Variants in NRXN1 observed in about 807,000 individuals in gnomAD.
NRXN1 encodes neurexin 1.
A neutral mutation model predicts 150.9 loss-of-function variants in NRXN1; 39 were observed. The ratio of observed to expected loss-of-function variants is 0.26; its 90% CI spans 0.20 to 0.34. The LOEUF (loss-of-function observed/expected upper bound fraction) is 0.34, where lower values mean the gene tolerates loss of function less well. NRXN1 is among the 10% of genes least tolerant of loss of function. The pLI, the probability that NRXN1 is intolerant of heterozygous loss-of-function variation, is 1.00. For missense variants in NRXN1, 1,815 were observed against 1,949.9 expected (o/e 0.93, Z 1.30); for synonymous variants, 924 against 757.0 (o/e 1.22, Z -3.62).
chr2:50,081,465 T>C (rs527611827), intron 19 of NRXN1, among the ~76,000 whole-genome samples: 5 of 152,236 alleles, frequency 3.3e-5, no homozygotes, highest in Non-Finnish European at 7.4e-5. Flanking sequence ...GGCATGAGAA[T>C]TGTTTGAACC....
chr2:50,231,107 A>G (rs949124485), intron 18 of NRXN1, among the ~76,000 whole-genome samples: 8 of 152,124 alleles, frequency 5.3e-5, no homozygotes, highest in African/African-American at 1.9e-4. Flanking sequence ...ACCAAGCAAT[A>G]TATATACAAC....
intron 17 of NRXN1, among the ~76,000 whole-genome samples, chr2:50,418,571 A>G (rs568715356): frequency 3.3e-5 from 5 of 152,210 alleles, no homozygotes; most frequent in African/African-American, 7.2e-5. Context: ...GATTAGCTCA[A>G]TCATCATTCA....
intron 17 of NRXN1, among the ~76,000 whole-genome samples, chr2:50,324,225 G>C (rs1315984311): frequency 6.6e-6 from 1 of 152,192 alleles, no homozygotes; most frequent in Non-Finnish European, 1.5e-5. Context: ...ACCTAAACCA[G>C]GTGGTAGCAT....
At position 50,966,550 on chromosome 2, in the gene NRXN1, G is replaced by GCATT. The variant is rs372281638; in HGVS notation, c.773-40599_773-40596dup. Among the ~76,000 whole-genome samples the GCATT allele has an allele frequency of 5.2e-3, 796 of 151,672 alleles. 8 individuals carry two copies. The highest frequency in any genetic ancestry group is 0.018 in the African/African-American group (759 of 41,442). On this transcript the variant is annotated intron_variant, in intron 2 of 22. Transcript: ENST00000401669. The stretch of plus-strand genomic sequence containing the variant: ...CTCTTCAGGTTAGATGCTTTAATGG[G>GCATT]CATTACATTAGAAAGGCATTCTACA...
intron 17 of NRXN1, among the ~76,000 whole-genome samples, chr2:50,356,587 G>T (rs1214570041): frequency 1.3e-5 from 2 of 152,102 alleles, no homozygotes; most frequent in African/African-American, 4.8e-5. Context: ...ATCTTGACAG[G>T]TGTTAGTAGA....
chr2:50,041,341 T>G (rs972876952), intron 21 of NRXN1, among the ~76,000 whole-genome samples: 2 of 152,214 alleles, frequency 1.3e-5, no homozygotes, highest in African/African-American at 4.8e-5. Context: ...GCAATGAGTG[T>G]CTTTTAAAAA....
rs576338536 is a variant in NRXN1 at position 50,437,893 on chromosome 2, T to C, written c.3364+27549A>G. On this transcript the variant is annotated intron_variant, in intron 17 of 22. Coordinates refer to ENST00000401669, the MANE Select transcript of NRXN1 (RefSeq NM_001330078.2). ...AATTCATTTGTGAATGTCCATTCTA[T>C]AACAATCATCAAAACACAATTTCTT... 6.6e-5 allele frequency among the ~76,000 whole-genome samples: 10 copies of C among 152,316 alleles called. No individual in the cohort carries two copies. The South Asian group carries it at 1.0e-3, about 16-fold the overall frequency.
At chr2:49,978,932 A>T (rs576348107) in intron 21 of NRXN1, among the ~76,000 whole-genome samples, 10 of 152,198 alleles carry the variant, frequency 6.6e-5, no homozygotes, top group Non-Finnish European at 1.2e-4. Context: ...CATTCAAAGC[A>T]ATCAGTGAAC....
At chr2:50,505,457 C>T (rs368070614) in intron 13 of NRXN1, among the ~76,000 whole-genome samples, 1 of 152,128 alleles carries the variant, frequency 6.6e-6, no homozygotes, top group Non-Finnish European at 1.5e-5. Flanking sequence ...TCTTCCCAAA[C>T]TCTTACATGT....
At position 50,673,449 on chromosome 2, in the gene NRXN1, T is replaced by C. The variant is rs578253681; in HGVS notation, c.833-49834A>G. ...TATTTAAATTGCTTAATTTTTTCCT[T>C]TCAGGTAGAAACAAATGTAAAAACC... On this transcript the variant is annotated intron_variant, in intron 5 of 22. Coordinates refer to ENST00000401669, the MANE Select transcript of NRXN1 (RefSeq NM_001330078.2). 1.1e-4 allele frequency among the ~76,000 whole-genome samples: 17 copies of C among 152,228 alleles called. No homozygotes were observed. The South Asian group carries it at 3.3e-3, about 30-fold the overall frequency.
chr2:50,705,484 G>C (rs1694311156), intron 5 of NRXN1, among the ~76,000 whole-genome samples: 1 of 152,120 alleles, frequency 6.6e-6, no homozygotes, highest in African/African-American at 2.4e-5. Flanking sequence ...ACAATTATGT[G>C]AGTAACATGC....
intron 17 of NRXN1, among the ~76,000 whole-genome samples, chr2:50,281,740 A>T (rs1377006181): frequency 6.6e-6 from 1 of 152,158 alleles, no homozygotes; most frequent in Non-Finnish European, 1.5e-5. Flanking sequence ...CAGTCATCTC[A>T]GATTTATTTG....
chr2:50,870,333 G>C (rs973580567), intron 5 of NRXN1, among the ~76,000 whole-genome samples: 3 of 151,628 alleles, frequency 2.0e-5, no homozygotes, highest in Non-Finnish European at 4.4e-5. Context: ...GTCAATCATT[G>C]AGTCTTCTTT....
At chr2:50,022,705 A>G (rs1451009502) in intron 21 of NRXN1, 1 of 152,246 alleles carries the variant, frequency 6.6e-6, no homozygotes, top group Admixed American at 6.5e-5. Flanking sequence ...TTTGTATAAA[A>G]AAATCAAATT....
rs71404978 is a variant in NRXN1 at position 50,865,658 on chromosome 2, GTT to G, written c.832+56209_832+56210del. Among the ~76,000 whole-genome samples the G allele has an allele frequency of 4.4e-3, 185 of 41,850 alleles. 1 individual carries two copies. Among genetic ancestry groups the G allele is most frequent in the African/African-American group, 0.018 (159 of 8,852 alleles). 27.5% of individuals were successfully genotyped at this position (41,850 alleles called of 152,430 possible). The stretch of plus-strand genomic sequence containing the variant: ...AGTAATTCCCAGTAAGCATTTGAAA[GTT>G]TTTTTTTTTTTTTTTTTTTTTTTTT... On this transcript the variant is annotated intron_variant, in intron 5 of 22. Coordinates refer to ENST00000401669, the MANE Select transcript of NRXN1 (RefSeq NM_001330078.2).
intron 8 of NRXN1, among the ~76,000 whole-genome samples, chr2:50,556,829 T>C (rs764977797): frequency 6.6e-6 from 1 of 152,098 alleles, no homozygotes. Context: ...CTAAGCCAAG[T>C]CCCTAACCTC....
chr2:50,686,845 T>C (rs1057438567), intron 5 of NRXN1, among the ~76,000 whole-genome samples: 1 of 152,210 alleles, frequency 6.6e-6, no homozygotes, highest in Non-Finnish European at 1.5e-5. Context: ...GTATTATGCA[T>C]GTAAATGGGA....
At position 49,943,693 on chromosome 2, in the gene NRXN1, A is replaced by T; in HGVS notation, c.4216+11T>A. ...GTAAAGCCAAGGAAGTAAGAAAAAA[A>T]GTTGACTAACCTAACCCACCTGAGC... On this transcript the variant is annotated intron_variant, in intron 22 of 22. Coordinates refer to ENST00000401669, the MANE Select transcript of NRXN1 (RefSeq NM_001330078.2). 6.3e-7 allele frequency: 1 copy of T among 1,598,382 alleles called. No homozygotes were observed. The highest frequency in any genetic ancestry group is 8.6e-7 in the Non-Finnish European group (1 of 1,167,526).
intron 8 of NRXN1, among the ~76,000 whole-genome samples, chr2:50,601,360 C>A (rs532047572): frequency 6.6e-6 from 1 of 152,146 alleles, no homozygotes; most frequent in African/African-American, 2.4e-5. Flanking sequence ...ACTCTTGGAT[C>A]TGTTCTTCAA....
Sources: gnomAD v4.1 joint callset for allele counts (sites outside exome capture counted in the v4.1 genomes callset) on GRCh38, gnomAD v4.1.1 for gene constraint, MANE v1.5 for transcripts, NCBI Gene and HGNC (gene_info 2026-07-23, HGNC 2026-07-21) for gene names.